LCOR: variants seen among roughly 807,000 people sequenced by gnomAD.
The protein encoded by LCOR is ligand dependent nuclear receptor corepressor, also known as ligand-dependent corepressor.
In LCOR, 14 loss-of-function variants were observed where a neutral mutation model predicts 64.4. The ratio of observed to expected loss-of-function variants is 0.22; its 90% CI spans 0.14 to 0.34. LCOR has a LOEUF of 0.34. Ranked by LOEUF, LCOR falls within the 10% of genes least tolerant of loss-of-function variation. The probability of loss-of-function intolerance (pLI) is 1.00; values close to 1 mark genes in which losing one functional copy is unlikely to be tolerated. For missense variants in LCOR, 1,686 were observed against 1,765.3 expected (o/e 0.96, Z 0.80); for synonymous variants, 643 against 642.5 (o/e 1.00, Z -0.01).
chr10:96,976,327 GTC>G (rs1286787558), intron 7 of LCOR, among the ~76,000 whole-genome samples: 1 of 152,132 alleles, frequency 6.6e-6, no homozygotes, highest in Non-Finnish European at 1.5e-5. Context: ...GCCTGTGTCA[GTC>G]TCTCTGATGC....
intron 2 of LCOR, among the ~76,000 whole-genome samples, chr10:96,873,580 G>A (rs1263571300): frequency 1.2e-3 from 117 of 101,434 alleles, no homozygotes; most frequent in African/African-American, 6.1e-3. Flanking sequence ...ACGTGTGTGT[G>A]TGTGTGTGTG....
intron 7 of LCOR, chr10:96,956,609 C>T: frequency 3.0e-6 from 3 of 985,778 alleles, no homozygotes; most frequent in Non-Finnish European, 3.6e-6. Flanking sequence ...CACACACTAC[C>T]TTCAGAAATG....
At chr10:96,964,655 G>A (rs912263784) in intron 7 of LCOR, among the ~76,000 whole-genome samples, 1 of 151,966 alleles carries the variant, frequency 6.6e-6, no homozygotes, top group East Asian at 1.9e-4. Flanking sequence ...TAAACTCAGT[G>A]TCTTTACTAA....
chr10:96,944,638 G>A (rs931866010), intron 5 of LCOR, among the ~76,000 whole-genome samples: 1 of 150,208 alleles, frequency 6.7e-6, no homozygotes, highest in African/African-American at 2.4e-5. Context: ...TTCATTTGGA[G>A]AGAAAATGTA....
At chr10:96,872,616 T>C (rs527767082) in intron 2 of LCOR, among the ~76,000 whole-genome samples, 1 of 151,992 alleles carries the variant, frequency 6.6e-6, no homozygotes, top group Admixed American at 6.6e-5. Flanking sequence ...GCCTGGGAGG[T>C]CTAGGCTGCA....
chr10:96,907,405 C>T (rs1451665723), intron 3 of LCOR, 75 bp downstream of exon 3: 3 of 411,308 alleles, frequency 7.3e-6, no homozygotes, highest in Non-Finnish European at 9.8e-6. Context: ...AAGCCTCAGT[C>T]TCCTTTTTAT....
At chr10:96,920,172 A>AT (rs912267944) in intron 4 of LCOR, among the ~76,000 whole-genome samples, 46 of 144,940 alleles carry the variant, frequency 3.2e-4, no homozygotes, top group East Asian at 1.6e-3. Flanking sequence ...CCGTGGGTGT[A>AT]TTTTTTTTTT....
At chr10:96,906,407 A>T (rs542905475) in intron 2 of LCOR, among the ~76,000 whole-genome samples, 5 of 152,122 alleles carry the variant, frequency 3.3e-5, no homozygotes, top group African/African-American at 2.4e-5. Flanking sequence ...CACTGCTTTA[A>T]TCTGTTATTT....
At chr10:96,879,341 C>G (rs971237347) in intron 2 of LCOR, among the ~76,000 whole-genome samples, 1 of 152,132 alleles carries the variant, frequency 6.6e-6, no homozygotes. Context: ...CATTCTAAAT[C>G]ACTGTGCAGT....
chr10:96,857,109 G>A (rs957722201), intron 2 of LCOR, among the ~76,000 whole-genome samples: 2 of 151,806 alleles, frequency 1.3e-5, no homozygotes, highest in Admixed American at 1.3e-4. Flanking sequence ...TGTGTATATA[G>A]TACATATTTG....
At chr10:96,833,721 G>C (rs1845389876) in intron 2 of LCOR, among the ~76,000 whole-genome samples, 2 of 152,252 alleles carry the variant, frequency 1.3e-5, no homozygotes, top group African/African-American at 4.8e-5. Flanking sequence ...TTTCCCGGCA[G>C]AATCTAGGAG....
At position 96,949,025 on chromosome 10, in the gene LCOR, G is replaced by A. The variant is rs372594955; in HGVS notation, c.-33G>A. ...ATTTACAGACAGTCCCTGGGTCTCC[G>A]ACCCCAATATTCCCCTAGTGGCCCG... is the stretch of plus-strand genomic sequence containing the variant. On this transcript the variant is annotated 5_prime_UTR_variant, in exon 6 of 8. Coordinates refer to ENST00000421806, the MANE Select transcript of LCOR (RefSeq NM_001346516.2). 1.8e-4 allele frequency: 286 copies of A among 1,611,450 alleles called. No homozygotes were observed. The highest frequency in any genetic ancestry group is 2.2e-4 in the Non-Finnish European group (264 of 1,178,622).
At chr10:96,866,283 T>C (rs964971479) in intron 2 of LCOR, among the ~76,000 whole-genome samples, 1 of 152,224 alleles carries the variant, frequency 6.6e-6, no homozygotes, top group African/African-American at 2.4e-5. Context: ...ACCCCAGCCA[T>C]AGGCAATTAT....
intron 7 of LCOR, among the ~76,000 whole-genome samples, chr10:96,975,335 G>GT (rs1424678360): frequency 6.6e-6 from 1 of 152,090 alleles, no homozygotes; most frequent in African/African-American, 2.4e-5. Context: ...ACAAAGGTTA[G>GT]TATTCATGTG....
intron 4 of LCOR, among the ~76,000 whole-genome samples, chr10:96,915,184 C>G (rs540331004): frequency 2.8e-4 from 42 of 152,116 alleles, no homozygotes; most frequent in African/African-American, 2.4e-5. Flanking sequence ...CCAAAAACGA[C>G]AATGAAGTAT....
In LCOR at chr10:96,894,157, T is replaced by C. The variant is rs558533682; in HGVS notation, c.-329-13108T>C. Among the ~76,000 whole-genome samples the C allele has an allele frequency of 3.6e-4, 55 of 152,222 alleles. 1 individual carries two copies. The highest frequency in any genetic ancestry group is 1.2e-3 in the African/African-American group (49 of 41,530). On this transcript the variant is annotated intron_variant, in intron 2 of 7. Transcript: ENST00000421806. ...CCCAGGCTGGAGTGCGGTGGCATGA[T>C]CTCAGCTCACTGCAACCTCCGCCTC...
chr10:96,925,032 A>G (rs1447163806), intron 4 of LCOR, among the ~76,000 whole-genome samples: 1 of 151,718 alleles, frequency 6.6e-6, no homozygotes, highest in Non-Finnish European at 1.5e-5. Flanking sequence ...ATGGTTCCTC[A>G]ACCATTTATT....
At chr10:96,867,418 G>A (rs897699321) in intron 2 of LCOR, among the ~76,000 whole-genome samples, 2 of 152,088 alleles carry the variant, frequency 1.3e-5, no homozygotes, top group East Asian at 3.8e-4. Flanking sequence ...GCAACATATG[G>A]AGATCTTGCC....
At chr10:96,911,590 T>G (rs1846835911) in intron 4 of LCOR, among the ~76,000 whole-genome samples, 1 of 152,144 alleles carries the variant, frequency 6.6e-6, no homozygotes, top group Admixed American at 6.5e-5. Flanking sequence ...AAGAATTAAG[T>G]AGGTCTTGGA....
Sources: allele counts gnomAD v4.1 joint callset (sites outside exome capture counted in the v4.1 genomes callset), GRCh38; gene constraint gnomAD v4.1.1; transcripts MANE v1.5; gene names NCBI Gene and HGNC (gene_info 2026-07-23, HGNC 2026-07-21).